PDE12: variants seen among roughly 807,000 people sequenced by gnomAD.
PDE12 encodes 2',5'-phosphodiesterase 12.
Under a neutral mutation model 45.4 loss-of-function variants are expected in PDE12, and 26 were observed. That is an observed-to-expected ratio of 0.57 (90% CI 0.42 to 0.79). The LOEUF is 0.79. PDE12 is among the 30% of genes least tolerant of loss of function. The pLI, the probability that PDE12 is intolerant of heterozygous loss-of-function variation, is 0.00. For missense variants in PDE12, 668 were observed against 790.0 expected, an observed-to-expected ratio of 0.85 and a Z score of 1.85; for synonymous variants, 283 against 323.9, an observed-to-expected ratio of 0.87 and a Z score of 1.36.
chr3:57,633,198 C>A, the PDE12 span: 1 of 1,323,676 alleles, frequency 7.6e-7, no homozygotes, highest in Non-Finnish European at 1.1e-6. Context: ...TTTTGGAGGG[C>A]GGGAAAAACA....
chr3:57,561,599 T>C lies in PDE12; in HGVS notation c.*1595T>C. 2.0e-6 allele frequency: 2 copies of C among 985,266 alleles called. No individual in the cohort carries two copies. The highest frequency in any genetic ancestry group is 2.4e-6 in the Non-Finnish European group (2 of 829,780). The allele number at this position is 985,266 out of a possible 1,614,324, so 61.0% of individuals were successfully genotyped here. A position where few individuals can be genotyped will look rare whatever the true frequency, so the allele number is the denominator to read the frequency against. On this transcript the variant is annotated 3_prime_UTR_variant, in exon 3 of 3. Transcript: ENST00000311180. ...GCTGTATTAGCTGTTGCTTTTTTGA[T>C]GTTCAGGATAACTATGTTATCTCAT...
chr3:57,628,008 A>C, the PDE12 span: 1 of 589,418 alleles, frequency 1.7e-6, no homozygotes, highest in Non-Finnish European at 2.7e-6. Context: ...TTTCAGTATT[A>C]AAGTGGAACC....
the PDE12 span, chr3:57,633,219 C>T: frequency 1.3e-6 from 2 of 1,485,208 alleles, no homozygotes; most frequent in East Asian, 2.3e-5. Flanking sequence ...TTTATATACC[C>T]TTCACCAAAT....
chr3:57,641,288 ATAT>A, the PDE12 span, among the ~76,000 whole-genome samples: 12 of 143,826 alleles, frequency 8.3e-5, no homozygotes, highest in South Asian at 6.3e-4. Flanking sequence ...ATATATTTAA[ATAT>A]TATATATTTA....
At chr3:57,612,350 C>A in the PDE12 span, among the ~76,000 whole-genome samples, 1 of 151,874 alleles carries the variant, frequency 6.6e-6, no homozygotes, top group African/African-American at 2.4e-5. Flanking sequence ...TGTAACCAAC[C>A]TGCACATTGT....
At chr3:57,599,730 A>G in the PDE12 span, among the ~76,000 whole-genome samples, 3 of 152,144 alleles carry the variant, frequency 2.0e-5, no homozygotes, top group South Asian at 2.1e-4. Context: ...TAATATCTCT[A>G]TTGTACAGAT....
chr3:57,572,120 A>G, the PDE12 span: 1 of 959,312 alleles, frequency 1.0e-6, no homozygotes, highest in East Asian at 2.4e-5. Context: ...AGTCCCAGAT[A>G]CTGTTTAATA....
At chr3:57,638,730 C>T in the PDE12 span, among the ~76,000 whole-genome samples, 2 of 151,776 alleles carry the variant, frequency 1.3e-5, no homozygotes, top group African/African-American at 4.8e-5. Context: ...TCAATATCAC[C>T]GATCATGAGG....
rs2069673600 is a variant in PDE12, at chr3:57,557,223, C to G, written c.844C>G (p.Arg282Gly). ...GCCTGGCACCTGCACTTTTGACCACCGGCATCTCTACACGAAGAAGGTGAC... is the reference window on the plus strand; with the variant it reads ...GCCTGGCACCTGCACTTTTGACCACGGGCATCTCTACACGAAGAAGGTGAC... Reference protein sequence around the residue: ...AGPGTCTFDHRHLYTKKVTED... With the variant: ...AGPGTCTFDHGHLYTKKVTED... The change falls in exon 1 of 3, where the codon CGG becomes GGG. Residue 282 changes from arginine (R) to glycine (G), a missense_variant. By Grantham distance (125) the Arg-to-Gly change is moderately radical. Around this residue, in one of 3 missense-constraint regions of PDE12, gnomAD observed 580 missense variants for 662.9 expected, o/e 0.87. Coordinates refer to ENST00000311180, the MANE Select transcript of PDE12 (RefSeq NM_177966.7). The G allele has an allele frequency of 1.2e-6, 2 of 1,607,924 alleles. No individual in the cohort carries two copies. The highest frequency in any genetic ancestry group is 1.7e-6 in the Non-Finnish European group (2 of 1,177,742).
At chr3:57,636,031 A>G in the PDE12 span, among the ~76,000 whole-genome samples, 1,348 of 152,300 alleles carry the variant, frequency 8.9e-3, 10 homozygotes, top group African/African-American at 0.031. Context: ...ACTTTATTAT[A>G]AGGATACAAT....
At chr3:57,587,514 TGATAG>T in the PDE12 span, among the ~76,000 whole-genome samples, 1 of 151,948 alleles carries the variant, frequency 6.6e-6, no homozygotes, top group African/African-American at 2.4e-5. Flanking sequence ...GCTCCTCTAC[TGATAG>T]GAATTTTTTT....
chr3:57,631,694 A>ACTTG, the PDE12 span, among the ~76,000 whole-genome samples: 2 of 148,434 alleles, frequency 1.3e-5, no homozygotes, highest in Non-Finnish European at 3.0e-5. Flanking sequence ...AATGAGGTCT[A>ACTTG]CTTGACTTTG....
the PDE12 span, among the ~76,000 whole-genome samples, chr3:57,617,559 G>C: frequency 6.6e-6 from 1 of 152,044 alleles, no homozygotes; most frequent in Admixed American, 6.6e-5. Flanking sequence ...AATCCACCCA[G>C]GTGCCCATCA....
At chr3:57,559,430 A>C (rs1246900177) in intron 2 of PDE12, 42 bp downstream of exon 2, 1 of 1,546,000 alleles carries the variant, frequency 6.5e-7, no homozygotes, top group African/African-American at 1.8e-5. Context: ...AACACGCTTA[A>C]AGTTGTTTAA....
chr3:57,581,778 C>T, the PDE12 span, among the ~76,000 whole-genome samples: 1 of 151,982 alleles, frequency 6.6e-6, no homozygotes, highest in Non-Finnish European at 1.5e-5. Context: ...GGTGACAGGA[C>T]GAGAACTCCA....
chr3:57,615,774 A>G, the PDE12 span, among the ~76,000 whole-genome samples: 1 of 152,152 alleles, frequency 6.6e-6, no homozygotes, highest in Non-Finnish European at 1.5e-5. Flanking sequence ...ACTGTACCCC[A>G]GTCTGGATGC....
chr3:57,571,613 T>C (rs1191880168), downstream of PDE12: 1 of 152,684 alleles, frequency 6.5e-6, no homozygotes, highest in Non-Finnish European at 1.5e-5. Context: ...TATCAATTCT[T>C]TGCAACCAGC....
chr3:57,567,305 C>T (rs983637768), downstream of PDE12, among the ~76,000 whole-genome samples: 1 of 150,496 alleles, frequency 6.6e-6, no homozygotes, highest in Admixed American at 6.6e-5. Context: ...GAGCACGACT[C>T]CGTGTCAAAA....
chr3:57,562,518 A>G lies in PDE12; in HGVS notation c.*2514A>G, dbSNP rs1244084028. ...AGTTAGAATGCAGTGTTATTCAGAA[A>G]TGTCTGTTTAAAGCACCTATGTGAT... On this transcript the variant is annotated 3_prime_UTR_variant, in exon 3 of 3. Coordinates refer to ENST00000311180, the MANE Select transcript of PDE12 (RefSeq NM_177966.7). 6.6e-6 allele frequency: 1 copy of G among 152,200 alleles called. No homozygotes were observed. The highest frequency in any genetic ancestry group is 1.9e-4 in the East Asian group (1 of 5,198). The allele number at this position is 152,200 out of a possible 1,614,324, so 9.4% of individuals were successfully genotyped here.
Sources: gnomAD v4.1 joint callset for allele counts (sites outside exome capture counted in the v4.1 genomes callset) on GRCh38, gnomAD v4.1.1 for gene constraint, gnomAD v4.1.1 regional missense constraint, MANE v1.5 for transcripts, NCBI Gene and HGNC (gene_info 2026-07-23, HGNC 2026-07-21) for gene names.